PRKCE: variants seen among roughly 807,000 people sequenced by gnomAD.
PRKCE encodes the protein protein kinase C epsilon.
A neutral mutation model predicts 85.4 loss-of-function variants in PRKCE; 16 were observed. The ratio of observed to expected loss-of-function variants is 0.19; its 90% CI spans 0.13 to 0.28. PRKCE has a LOEUF of 0.28. Among genes scored for constraint, PRKCE ranks in the 10% least tolerant of loss-of-function variants. PRKCE has a pLI of 1.00. For synonymous variants in PRKCE, 388 were observed against 371.5 expected (o/e 1.04, Z -0.51); for missense variants, 573 against 975.2 (o/e 0.59, Z 5.49).
chr2:45,884,954 C>CATATATATATATAT (rs745477412), intron 2 of PRKCE, among the ~76,000 whole-genome samples: 2 of 37,552 alleles, frequency 5.3e-5, no homozygotes, highest in Non-Finnish European at 9.5e-5. Context: ...ATATGTGATC[C>CATATATATATATAT]ATATATATAT....
At chr2:45,661,695 A>AT (rs11406617) in intron 1 of PRKCE, among the ~76,000 whole-genome samples, 4,149 of 130,546 alleles carry the variant, frequency 0.032, 105 homozygotes, top group East Asian at 0.12. Context: ...CGCCCAGCTA[A>AT]TTTTTTTTTT....
intron 14 of PRKCE, among the ~76,000 whole-genome samples, chr2:46,180,287 A>G (rs1438552960): frequency 2.0e-5 from 3 of 152,204 alleles, no homozygotes; most frequent in African/African-American, 7.2e-5. Flanking sequence ...AGGGCTAGCT[A>G]TGCAAGGCTG....
chr2:46,004,442 A>T lies in PRKCE; in HGVS notation c.967-100A>T. 1 of 968,526 alleles carries T rather than the reference A, an allele frequency of 1.0e-6. No homozygotes were observed. The highest frequency in any genetic ancestry group is 1.6e-6 in the Non-Finnish European group (1 of 637,082). 60.0% of individuals were successfully genotyped at this position (968,526 alleles called of 1,614,324 possible). A position where few individuals can be genotyped will look rare whatever the true frequency, so the allele number is the denominator to read the frequency against. On this transcript the variant is annotated intron_variant, in intron 7 of 14. Transcript: ENST00000306156. The surrounding 1 kb of genome is among the most constrained non-coding windows in gnomAD (Gnocchi z 4.1). ...TCTACTGAATTCCTGCTGCTCTGGGAACTCTCATGGCTCTTATACGGCATC... is the reference window on the plus strand; with the variant it reads ...TCTACTGAATTCCTGCTGCTCTGGGTACTCTCATGGCTCTTATACGGCATC...
At chr2:45,881,465 C>T (rs1374262283) in intron 2 of PRKCE, among the ~76,000 whole-genome samples, 1 of 152,022 alleles carries the variant, frequency 6.6e-6, no homozygotes, top group East Asian at 1.9e-4. Context: ...TTTAAGTACC[C>T]AAGTCAGAAA....
chr2:46,055,902 A>G (rs1038107701), intron 10 of PRKCE, among the ~76,000 whole-genome samples: 5 of 152,142 alleles, frequency 3.3e-5, no homozygotes, highest in African/African-American at 1.2e-4. Context: ...GGCTCAAATG[A>G]TCTGCCCGCC....
At chr2:45,760,815 C>A (rs940396247) in intron 1 of PRKCE, among the ~76,000 whole-genome samples, 1 of 152,072 alleles carries the variant, frequency 6.6e-6, no homozygotes, top group East Asian at 1.9e-4. Context: ...ATATAATTAC[C>A]CTGTCTGGGT....
intron 10 of PRKCE, among the ~76,000 whole-genome samples, chr2:46,044,770 T>C (rs922223685): frequency 1.3e-5 from 2 of 152,218 alleles, no homozygotes; most frequent in Non-Finnish European, 2.9e-5. Flanking sequence ...GAAAGTGCAC[T>C]GAGTTCCTCT....
At chr2:45,869,745 T>A (rs1470567166) in intron 2 of PRKCE, among the ~76,000 whole-genome samples, 1 of 141,370 alleles carries the variant, frequency 7.1e-6, no homozygotes, top group Admixed American at 8.0e-5. Flanking sequence ...TCTCACTCTG[T>A]CACCCAGGCT....
chr2:46,029,717 C>T (rs1355712934), intron 10 of PRKCE, among the ~76,000 whole-genome samples: 1 of 149,586 alleles, frequency 6.7e-6, no homozygotes, highest in Non-Finnish European at 1.5e-5. Flanking sequence ...GCTTTTCATA[C>T]AATGCTGGCT....
chr2:45,974,965 G>A (rs1175366053), intron 2 of PRKCE, among the ~76,000 whole-genome samples: 4 of 152,198 alleles, frequency 2.6e-5, no homozygotes, highest in Non-Finnish European at 4.4e-5. Context: ...GGACTCTTTG[G>A]TGATGAAAGC....
chr2:46,095,699 A>G (rs1349561282), intron 11 of PRKCE, among the ~76,000 whole-genome samples: 2 of 152,202 alleles, frequency 1.3e-5, no homozygotes, highest in Non-Finnish European at 2.9e-5. Context: ...GTTACCACTC[A>G]TCCGTTTACT....
intron 1 of PRKCE, among the ~76,000 whole-genome samples, chr2:45,707,089 T>C (rs367776869): frequency 6.6e-6 from 1 of 152,176 alleles, no homozygotes; most frequent in African/African-American, 2.4e-5. Flanking sequence ...TATTCCTCAG[T>C]CTAACAAATA....
rs1306386857 is a variant in PRKCE, at chr2:45,884,976, TATATATATATATATATATATATA to T, written c.412+41914_412+41936del. Reference sequence around the variant, plus strand: ...ATCCATATATATATATATATATATATATATATATATATATATATATATATATTTGTTGTTGTTGTTGTTGTTTT... The same window carrying T: ...ATCCATATATATATATATATATATATTATTTGTTGTTGTTGTTGTTGTTTT... On this transcript the variant is annotated intron_variant, in intron 2 of 14. Transcript: ENST00000306156. Among the ~76,000 whole-genome samples the T allele has an allele frequency of 6.9e-4, 48 of 69,136 alleles. No homozygotes were observed. In the East Asian group the frequency reaches 7.3e-3, roughly 11 times the overall value. The allele number at this position is 69,136 out of a possible 152,430, so 45.4% of individuals were successfully genotyped here.
chr2:45,828,550 A>G (rs1690144076), intron 1 of PRKCE, among the ~76,000 whole-genome samples: 1 of 152,260 alleles, frequency 6.6e-6, no homozygotes, highest in Admixed American at 6.5e-5. Flanking sequence ...AGGAAATTAT[A>G]CTTTTCAAGA....
intron 13 of PRKCE, among the ~76,000 whole-genome samples, chr2:46,154,751 C>CA (rs1677034689): frequency 1.5e-5 from 2 of 135,064 alleles, no homozygotes; most frequent in African/African-American, 5.7e-5. Flanking sequence ...TTTTTTTTTA[C>CA]AAAAAACTAA....
Position 45,790,449 on chromosome 2 carries a change from C to T in PRKCE, c.349-52551C>T, listed in dbSNP as rs1324836818. Among the ~76,000 whole-genome samples the T allele has an allele frequency of 3.3e-5, 5 of 152,310 alleles. No homozygotes were observed. In the South Asian group the frequency reaches 8.3e-4, roughly 25 times the overall value. On this transcript the variant is annotated intron_variant, in intron 1 of 14. Transcript: ENST00000306156. ...TAATAGGGCCTGTGATATTTTTAGC[C>T]TTGTTATCAGAGCGTAGAGCAAGTT...
At chr2:45,939,990 A>G (rs987770091) in intron 2 of PRKCE, among the ~76,000 whole-genome samples, 12 of 152,218 alleles carry the variant, frequency 7.9e-5, no homozygotes, top group African/African-American at 2.7e-4. Flanking sequence ...AGAAATATGA[A>G]CATTCTCCCC....
intron 1 of PRKCE, among the ~76,000 whole-genome samples, chr2:45,732,457 A>G (rs1185214794): frequency 6.6e-6 from 1 of 152,210 alleles, no homozygotes. Flanking sequence ...ATTGGTCATT[A>G]CCTGTATTAA....
chr2:46,104,014 C>A (rs894436313), intron 11 of PRKCE, among the ~76,000 whole-genome samples: 9 of 152,122 alleles, frequency 5.9e-5, no homozygotes, highest in African/African-American at 2.2e-4. Flanking sequence ...TAAACTATAC[C>A]AATTCTTCCA....
Sources: gnomAD v4.1 joint callset for allele counts (sites outside exome capture counted in the v4.1 genomes callset) on GRCh38, gnomAD v4.1.1 for gene constraint, Gnocchi (gnomAD v3.1) non-coding constraint, MANE v1.5 for transcripts, NCBI Gene and HGNC (gene_info 2026-07-23, HGNC 2026-07-21) for gene names.